The following ERBB4 variants were observed in gnomAD, a reference collection of about 807,000 sequenced individuals.
ERBB4 encodes receptor tyrosine-protein kinase erbB-4.
In ERBB4, 42 loss-of-function variants were observed where a neutral mutation model predicts 158.0. The ratio of observed to expected loss-of-function variants is 0.27; its 90% CI spans 0.21 to 0.34. The LOEUF is 0.34. Among genes scored for constraint, ERBB4 ranks in the 10% least tolerant of loss-of-function variants. The pLI is 1.00. For missense variants in ERBB4, 1,333 were observed against 1,624.1 expected (o/e 0.82, Z 3.08); for synonymous variants, 583 against 558.7 (o/e 1.04, Z -0.61).
At chr2:212,404,681 T>C (rs1300940074) in intron 1 of ERBB4, among the ~76,000 whole-genome samples, 1 of 152,090 alleles carries the variant, frequency 6.6e-6, no homozygotes, top group East Asian at 1.9e-4. Context: ...CAGGGGTACA[T>C]GTGAAGGTTT....
At chr2:211,964,405 T>A (rs913634254) in intron 2 of ERBB4, among the ~76,000 whole-genome samples, 2 of 152,198 alleles carry the variant, frequency 1.3e-5, no homozygotes, top group Admixed American at 1.3e-4. Context: ...CAACAGATGT[T>A]TTTTCGGAAT....
In ERBB4 at chr2:211,884,804, A is replaced by C. The variant is rs144915093; in HGVS notation, c.421+62626T>G. Among the ~76,000 whole-genome samples the C allele has an allele frequency of 6.0e-4, 91 of 152,316 alleles. 1 individual carries two copies. The East Asian group carries it at 0.017, about 29-fold the overall frequency. ...AGACTGGAATTTTCCAATTGGGTTAAGTTGAAAAAATTAACCATAACATTG... is the reference window on the plus strand; with the variant it reads ...AGACTGGAATTTTCCAATTGGGTTACGTTGAAAAAATTAACCATAACATTG... On this transcript the variant is annotated intron_variant, in intron 3 of 27. Coordinates refer to ENST00000342788, the MANE Select transcript of ERBB4 (RefSeq NM_005235.3).
At chr2:211,501,494 A>C (rs534910075) in intron 20 of ERBB4, among the ~76,000 whole-genome samples, 2,226 of 125,354 alleles carry the variant, frequency 0.018, 71 homozygotes, top group African/African-American at 0.068. Flanking sequence ...TATCCATAAA[A>C]ATTAAAAAAA....
intron 20 of ERBB4, among the ~76,000 whole-genome samples, chr2:211,432,873 G>A (rs569180543): frequency 1.6e-4 from 25 of 152,248 alleles, no homozygotes; most frequent in East Asian, 3.9e-4. Flanking sequence ...TAAAGTGGGC[G>A]GATAGGGAAT....
intron 3 of ERBB4, among the ~76,000 whole-genome samples, chr2:211,902,393 T>C (rs1009554515): frequency 6.6e-6 from 1 of 151,978 alleles, no homozygotes; most frequent in African/African-American, 2.4e-5. Context: ...CTGTAATATA[T>C]AACAGTGGAA....
chr2:212,015,463 A>T (rs959442223), intron 2 of ERBB4, among the ~76,000 whole-genome samples: 2 of 151,730 alleles, frequency 1.3e-5, no homozygotes, highest in African/African-American at 4.8e-5. Context: ...TGAAGGACCA[A>T]CTCTCAGACA....
intron 1 of ERBB4, among the ~76,000 whole-genome samples, chr2:212,516,298 TATTATTTTA>T (rs1475014727): frequency 3.3e-5 from 5 of 152,154 alleles, no homozygotes; most frequent in Admixed American, 2.0e-4. Context: ...TTCTGAAATA[TATTATTTTA>T]ATAATAACAT....
intron 20 of ERBB4, among the ~76,000 whole-genome samples, chr2:211,538,310 T>C (rs578096874): frequency 5.3e-5 from 8 of 151,970 alleles, no homozygotes; most frequent in African/African-American, 1.7e-4. Context: ...TCCCATTCTA[T>C]GTTATACACG....
chr2:211,647,372 C>T (rs1319445173), intron 16 of ERBB4, among the ~76,000 whole-genome samples: 2 of 151,748 alleles, frequency 1.3e-5, no homozygotes, highest in Admixed American at 6.6e-5. Flanking sequence ...CTCTCATCTA[C>T]ATTTCTCAAA....
At chr2:212,528,050 T>C (rs1692548453) in intron 1 of ERBB4, among the ~76,000 whole-genome samples, 2 of 151,950 alleles carry the variant, frequency 1.3e-5, no homozygotes, top group African/African-American at 4.8e-5. Context: ...AAGGCTTAAA[T>C]GGCAAAGAAA....
intron 2 of ERBB4, among the ~76,000 whole-genome samples, chr2:212,092,725 T>C (rs1054607424): frequency 1.3e-5 from 2 of 152,124 alleles, no homozygotes; most frequent in African/African-American, 2.4e-5. Flanking sequence ...TTTTAGGATA[T>C]TGTAGTACAA....
At chr2:211,474,741 A>G (rs1020574294) in intron 20 of ERBB4, among the ~76,000 whole-genome samples, 1 of 152,118 alleles carries the variant, frequency 6.6e-6, no homozygotes, top group Non-Finnish European at 1.5e-5. Context: ...TGAACCACTC[A>G]CAGGTAGGTT....
Position 212,507,587 on chromosome 2 carries a change from G to T in ERBB4, c.82+30862C>A, listed in dbSNP as rs1319295078. Among the ~76,000 whole-genome samples the T allele has an allele frequency of 2.0e-5, 3 of 152,106 alleles. No homozygotes were observed. The East Asian group carries it at 5.8e-4, about 29-fold the overall frequency. Reference sequence around the variant, plus strand: ...GAAGAAGTTGATTTCAACCCCCATGGATGACTTGGAGGAATTCAAAACTAC... The same window carrying T: ...GAAGAAGTTGATTTCAACCCCCATGTATGACTTGGAGGAATTCAAAACTAC... On this transcript the variant is annotated intron_variant, in intron 1 of 27. Coordinates refer to ENST00000342788, the MANE Select transcript of ERBB4 (RefSeq NM_005235.3).
intron 20 of ERBB4, among the ~76,000 whole-genome samples, chr2:211,503,396 G>A (rs991400253): frequency 6.6e-6 from 1 of 152,092 alleles, no homozygotes; most frequent in Non-Finnish European, 1.5e-5. Context: ...AGGAGCATCT[G>A]AACCACATGT....
At chr2:212,286,489 T>C (rs911276165) in intron 1 of ERBB4, among the ~76,000 whole-genome samples, 1 of 151,768 alleles carries the variant, frequency 6.6e-6, no homozygotes, top group South Asian at 2.1e-4. Context: ...AATATAAATA[T>C]AGATGGGTTG....
chr2:211,403,932 A>G (rs891103235), intron 25 of ERBB4, among the ~76,000 whole-genome samples: 1 of 152,126 alleles, frequency 6.6e-6, no homozygotes, highest in African/African-American at 2.4e-5. Context: ...TAACATGAGG[A>G]AAGAATGCTC....
chr2:211,480,017 GC>G, intron 20 of ERBB4, among the ~76,000 whole-genome samples: 1 of 152,206 alleles, frequency 6.6e-6, no homozygotes, highest in Non-Finnish European at 1.5e-5. Flanking sequence ...CTGAAGTGTG[GC>G]ATAACCAGTT....
At chr2:211,812,957 C>G (rs1575183373) in intron 3 of ERBB4, among the ~76,000 whole-genome samples, 1 of 152,206 alleles carries the variant, frequency 6.6e-6, no homozygotes, top group Admixed American at 6.5e-5. Context: ...GTCATGGCTT[C>G]CCTTGACTAA....
chr2:211,874,786 C>T (rs1325882448), intron 3 of ERBB4, among the ~76,000 whole-genome samples: 1 of 152,086 alleles, frequency 6.6e-6, no homozygotes, highest in Non-Finnish European at 1.5e-5. Context: ...ATTTGTTTTT[C>T]ATTTGAAGTG....
Sources: gnomAD v4.1 joint callset for allele counts (sites outside exome capture counted in the v4.1 genomes callset) on GRCh38, gnomAD v4.1.1 for gene constraint, MANE v1.5 for transcripts, NCBI Gene and HGNC (gene_info 2026-07-23, HGNC 2026-07-21) for gene names.